Variants in COL17A1 observed in about 807,000 individuals in gnomAD.
COL17A1 encodes collagen alpha-1(XVII) chain.
A neutral mutation model predicts 218.4 loss-of-function variants in COL17A1; 181 were observed. That is an observed-to-expected ratio of 0.83 (90% CI 0.73 to 0.94). The LOEUF (loss-of-function observed/expected upper bound fraction) is 0.94, where lower values mean the gene tolerates loss of function less well. Among genes scored for constraint, COL17A1 ranks in the 40% least tolerant of loss-of-function variants. The pLI, the probability that COL17A1 is intolerant of heterozygous loss-of-function variation, is 0.00. For missense variants in COL17A1, 1,924 were observed against 1,945.9 expected (o/e 0.99, Z 0.21); for synonymous variants, 721 against 731.0 (o/e 0.99, Z 0.22).
In COL17A1 at chr10:104,034,602, T is replaced by C. The variant is rs760218182; in HGVS notation, c.3766+19A>G. On this transcript the variant is annotated intron_variant, in intron 51 of 55. Coordinates refer to ENST00000648076, the MANE Select transcript of COL17A1 (RefSeq NM_000494.4). Reference sequence around the variant, plus strand: ...GGCCTGCGGGGTGCCTGGTGGGGCATCACCGTCGGGGCACCTACTTGTGAG... The same window carrying C: ...GGCCTGCGGGGTGCCTGGTGGGGCACCACCGTCGGGGCACCTACTTGTGAG... 1.9e-6 allele frequency: 3 copies of C among 1,607,160 alleles called. No homozygotes were observed. In the East Asian group the frequency reaches 6.7e-5, roughly 36 times the overall value.
intron 2 of COL17A1, among the ~76,000 whole-genome samples, chr10:104,080,117 T>A (rs2086752028): frequency 1.3e-5 from 2 of 152,072 alleles, no homozygotes; most frequent in Admixed American, 1.3e-4. Flanking sequence ...TTATTGGAGA[T>A]ATATGAAAGT....
Position 104,077,446 on chromosome 10 carries a change from C to A in COL17A1, c.178G>T (p.Gly60Cys). The part of the protein sequence containing the change: ...SRLEKQSLTH[G>C]SSGYINSTGS... ...CTTGAGTTTATGTAGCCGCTGCTGC[C>A]ATGAGTCAGGCTTTGTTTCTCCAGC... Residue 60 changes from glycine (G) to cysteine (C), a missense_variant, in exon 4 of 56, where the codon GGC becomes TGC. Gly to Cys is a radical substitution (Grantham distance 159, BLOSUM62 -3). Transcript: ENST00000648076. The A allele has an allele frequency of 6.2e-7, 1 of 1,613,394 alleles. No homozygotes were observed. The highest frequency in any genetic ancestry group is 1.3e-5 in the African/African-American group (1 of 75,014).
chr10:104,059,531 G>T, intron 15 of COL17A1, 107 bp downstream of exon 15: 1 of 986,112 alleles, frequency 1.0e-6, no homozygotes, highest in Non-Finnish European at 1.6e-6. Context: ...TGTGGCTGAT[G>T]CTGCTGGCCC....
At position 104,055,984 on chromosome 10, in the gene COL17A1, C is replaced by T; in HGVS notation, c.1485G>A (p.Leu495=). 1.9e-6 allele frequency: 3 copies of T among 1,614,206 alleles called. No homozygotes were observed. The highest frequency in any genetic ancestry group is 2.5e-6 in the Non-Finnish European group (3 of 1,180,032). The stretch of plus-strand genomic sequence containing the variant: ...TCTCCAGCTCATCCACACGCGCCTT[C>T]AGCTTCCTCACCTCCTCCGCTGCAA... The part of the protein sequence containing the change: ...LIALAEEVRK[L]KARVDELERI... Residue 495 remains leucine (L), a synonymous_variant, in exon 18 of 56, where the codon CTG becomes CTA. Transcript: ENST00000648076.
At chr10:104,077,960 G>A (rs1340824155) in intron 3 of COL17A1, among the ~76,000 whole-genome samples, 2 of 152,228 alleles carry the variant, frequency 1.3e-5, no homozygotes, top group African/African-American at 4.8e-5. Flanking sequence ...GCAGCTCTGT[G>A]TTGCTGGTGT....
At chr10:104,062,999 G>A (rs112144546) in intron 11 of COL17A1, among the ~76,000 whole-genome samples, 2,032 of 152,326 alleles carry the variant, frequency 0.013, 20 homozygotes, top group Non-Finnish European at 0.023. Flanking sequence ...AAATAGCAAA[G>A]GCAGAAGAAA....
rs776889999 is a variant in COL17A1 at position 104,034,013 on chromosome 10, A to G, written c.4088T>C (p.Leu1363Ser). The change falls in exon 52 of 56, where the codon TTG becomes TCG. Residue 1363 changes from leucine to serine, a missense_variant. Coordinates refer to ENST00000648076, the MANE Select transcript of COL17A1 (RefSeq NM_000494.4). ...GGMYAGNGGL[L>S]GADFAGDLDY... ...CAGATCTCCAGCAAAGTCAGCTCCC[A>G]ATAGTCCGCCATTGCCAGCATACAT... is the stretch of plus-strand genomic sequence containing the variant. 1.9e-6 allele frequency: 3 copies of G among 1,614,170 alleles called. No homozygotes were observed. The highest frequency in any genetic ancestry group is 3.3e-5 in the Admixed American group (2 of 60,032).
intron 55 of COL17A1, 45 bp from the exon 56 acceptor site, chr10:104,032,335 C>A: frequency 6.4e-7 from 1 of 1,562,144 alleles, no homozygotes; most frequent in Admixed American, 1.7e-5. Flanking sequence ...TATCTTGTGG[C>A]CTGTGGGGAT....
chr10:104,074,338 G>A, intron 5 of COL17A1, 107 bp from the exon 6 acceptor site: 3 of 1,490,640 alleles, frequency 2.0e-6, no homozygotes, highest in Non-Finnish European at 2.8e-6. Flanking sequence ...ACAGCCCTCA[G>A]TGTTTCAGGG....
intron 1 of COL17A1, among the ~76,000 whole-genome samples, chr10:104,081,491 G>C (rs957835821): frequency 1.3e-5 from 2 of 152,290 alleles, no homozygotes; most frequent in South Asian, 4.1e-4. Flanking sequence ...GGGGATGAAA[G>C]CTCAAGTCTT....
At chr10:104,061,347 G>A in intron 13 of COL17A1, 58 bp downstream of exon 13, 3 of 1,467,410 alleles carry the variant, frequency 2.0e-6, no homozygotes, top group Non-Finnish European at 1.9e-6. Flanking sequence ...CAGGATTACT[G>A]CAGAGTAATC....
At chr10:104,067,877 A>G (rs891168624) in intron 9 of COL17A1, among the ~76,000 whole-genome samples, 2 of 152,198 alleles carry the variant, frequency 1.3e-5, no homozygotes, top group Non-Finnish European at 2.9e-5. Context: ...AGCGAAAGAG[A>G]AAGAGACGGG....
At chr10:104,041,615 G>T in intron 36 of COL17A1, 77 bp from the exon 37 acceptor site, 1 of 1,303,326 alleles carries the variant, frequency 7.7e-7, no homozygotes, top group Non-Finnish European at 1.1e-6. Context: ...CCTCTCACTG[G>T]ATCTGCAGTT....
At chr10:104,054,194 A>G in intron 20 of COL17A1, 76 bp from the exon 21 acceptor site, 2 of 1,509,904 alleles carry the variant, frequency 1.3e-6, no homozygotes, top group Non-Finnish European at 1.8e-6. Flanking sequence ...CACTAGTGGG[A>G]TTCAGGTAGG....
intron 9 of COL17A1, among the ~76,000 whole-genome samples, chr10:104,067,116 G>A (rs1651804258): frequency 6.6e-6 from 1 of 152,044 alleles, no homozygotes. Context: ...GCATCCTCTC[G>A]GGCAAGGAGT....
chr10:104,058,172 G>A lies in COL17A1; in HGVS notation c.1241C>T (p.Ser414Phe). The A allele has an allele frequency of 6.2e-7, 1 of 1,614,212 alleles. No individual in the cohort carries two copies. Among genetic ancestry groups the A allele is most frequent in the Non-Finnish European group, 8.5e-7 (1 of 1,180,040 alleles). The change falls in exon 16 of 56, where the codon TCC becomes TTC. Residue 414 changes from serine (S) to phenylalanine (F), a missense_variant. Physicochemically the swap from Ser to Phe is radical, Grantham distance 155. Transcript: ENST00000648076. ...TGCAGTGGTGGTCTTGCCCTTTGTG[G>A]ACACAGTCTTCAGGTCTCCTGAAAG... ...AEANGDLKTV[S>F]TKGKTTTADI...
At chr10:104,047,872 A>G in intron 30 of COL17A1, 62 bp from the exon 31 acceptor site, 1 of 1,471,554 alleles carries the variant, frequency 6.8e-7, no homozygotes, top group Non-Finnish European at 9.5e-7. Context: ...TGGTTATCAC[A>G]TCTGAACTGA....
intron 6 of COL17A1, chr10:104,073,908 T>C (rs896232128): frequency 2.3e-6 from 1 of 429,524 alleles, no homozygotes; most frequent in Admixed American, 3.5e-5. Flanking sequence ...TGCTTGGCCT[T>C]AGGGGCTTAT....
chr10:104,077,298 G>T, intron 4 of COL17A1, 124 bp downstream of exon 4: 1 of 761,800 alleles, frequency 1.3e-6, no homozygotes, highest in Non-Finnish European at 2.3e-6. Flanking sequence ...ACAGGTGATT[G>T]TAATTGTCCC....
Sources: allele counts gnomAD v4.1 joint callset (sites outside exome capture counted in the v4.1 genomes callset), GRCh38; gene constraint gnomAD v4.1.1; transcripts MANE v1.5; gene names NCBI Gene and HGNC (gene_info 2026-07-23, HGNC 2026-07-21).